AFF3: variants seen among roughly 807,000 people sequenced by gnomAD.
AFF3 encodes the protein ALF transcription elongation factor 3, also known as AF4/FMR2 family member 3.
A neutral mutation model predicts 129.7 loss-of-function variants in AFF3; 32 were observed. The ratio of observed to expected loss-of-function variants is 0.25; its 90% confidence interval spans 0.19 to 0.33. The LOEUF is 0.33. Among genes scored for constraint, AFF3 ranks in the 10% least tolerant of loss-of-function variants. AFF3 has a pLI of 1.00. For synonymous variants in AFF3, 644 were observed against 635.4 expected (o/e 1.01, Z -0.20); for missense variants, 1,373 against 1,592.0 (o/e 0.86, Z 2.34).
chr2:99,604,114 A>G (rs746168037), intron 13 of AFF3, among the ~76,000 whole-genome samples: 1 of 152,154 alleles, frequency 6.6e-6, no homozygotes, highest in Non-Finnish European at 1.5e-5. Flanking sequence ...CAGCAATCCC[A>G]TTACTGGGTA....
chr2:99,739,013 AT>A (rs55856427), intron 10 of AFF3, among the ~76,000 whole-genome samples: 60 of 138,334 alleles, frequency 4.3e-4, no homozygotes, highest in South Asian at 9.4e-4. Context: ...GAACTGTTCA[AT>A]TTTTTTTTTT....
At chr2:99,842,036 A>G (rs763394553) in intron 7 of AFF3, among the ~76,000 whole-genome samples, 2 of 152,130 alleles carry the variant, frequency 1.3e-5, no homozygotes, top group Non-Finnish European at 2.9e-5. Flanking sequence ...AAGGGGGAAG[A>G]GAGGAGAGGG....
intron 11 of AFF3, among the ~76,000 whole-genome samples, chr2:99,699,522 A>G (rs1419614145): frequency 6.6e-6 from 1 of 152,208 alleles, no homozygotes; most frequent in Non-Finnish European, 1.5e-5. Context: ...AACCTGCATT[A>G]ATCATCAAGT....
chr2:99,795,157 A>G (rs1685472820), intron 8 of AFF3, among the ~76,000 whole-genome samples: 1 of 152,172 alleles, frequency 6.6e-6, no homozygotes, highest in African/African-American at 2.4e-5. Flanking sequence ...GGACAGAGAA[A>G]AAGTAGTGTG....
intron 11 of AFF3, among the ~76,000 whole-genome samples, chr2:99,677,584 C>T (rs1292501841): frequency 6.6e-6 from 1 of 152,176 alleles, no homozygotes; most frequent in African/African-American, 2.4e-5. Flanking sequence ...TATGAGCCCC[C>T]AGCTGCACTC....
intron 13 of AFF3, among the ~76,000 whole-genome samples, chr2:99,623,151 CTTTTTTTT>C (rs77383046): frequency 8.1e-6 from 1 of 124,188 alleles, no homozygotes; most frequent in Non-Finnish European, 1.7e-5. Flanking sequence ...ACCTCTGGTT[CTTTTTTTT>C]TTTTTTTTTT....
chr2:99,616,522 G>A (rs1399633221), intron 13 of AFF3, among the ~76,000 whole-genome samples: 1 of 152,130 alleles, frequency 6.6e-6, no homozygotes, highest in Non-Finnish European at 1.5e-5. Context: ...GGGAGGCTGA[G>A]GCAGGTGGAT....
chr2:99,752,378 C>A lies in AFF3; in HGVS notation c.922-77G>T, dbSNP rs545694340. 4.6e-5 allele frequency: 58 copies of A among 1,255,640 alleles called. No individual in the cohort carries two copies. The African/African-American group carries it at 8.4e-4, about 18-fold the overall frequency. The allele number at this position is 1,255,640 out of a possible 1,614,324, so 77.8% of individuals were successfully genotyped here. On this transcript the variant is annotated intron_variant, in intron 8 of 24. Coordinates refer to ENST00000672756, the MANE Select transcript of AFF3 (RefSeq NM_001386135.1). ...ATCAGCGGTATGTAAAGCAGCTGTA[C>A]AAGTGGGCCTTCATAAGGCAGGGAA... is the stretch of plus-strand genomic sequence containing the variant.
chr2:99,855,340 C>A (rs1322812772), intron 7 of AFF3, among the ~76,000 whole-genome samples: 1 of 151,782 alleles, frequency 6.6e-6, no homozygotes, highest in Non-Finnish European at 1.5e-5. Context: ...AAAGCTGTTA[C>A]AAAAAAATTA....
intron 8 of AFF3, among the ~76,000 whole-genome samples, chr2:99,807,220 A>T (rs978839775): frequency 6.6e-6 from 1 of 152,208 alleles, no homozygotes; most frequent in East Asian, 1.9e-4. Context: ...AAATGAGGAA[A>T]CAGGGTCCTG....
chr2:99,653,614 T>C (rs1000449469), intron 12 of AFF3, among the ~76,000 whole-genome samples: 1 of 152,228 alleles, frequency 6.6e-6, no homozygotes, highest in Admixed American at 6.5e-5. Context: ...GCGGCACCTG[T>C]TGGCAATGCC....
chr2:99,601,671 A>G, intron 13 of AFF3, 50 bp from the exon 14 acceptor site: 1 of 1,559,888 alleles, frequency 6.4e-7, no homozygotes, highest in Non-Finnish European at 8.6e-7. Context: ...AAGCCAAGTG[A>G]GCAAACAGGA....
intron 13 of AFF3, among the ~76,000 whole-genome samples, chr2:99,603,031 T>C (rs927782869): frequency 6.6e-6 from 1 of 152,200 alleles, no homozygotes; most frequent in African/African-American, 2.4e-5. Flanking sequence ...TCCACCAATG[T>C]CACGGTCCAC....
intron 11 of AFF3, among the ~76,000 whole-genome samples, chr2:99,683,488 C>T (rs527707056): frequency 1.1e-3 from 164 of 152,070 alleles, no homozygotes; most frequent in African/African-American, 3.8e-3. Context: ...CACTTTGTTG[C>T]CCACGCTGGA....
At chr2:99,635,656 A>G (rs1683583130) in intron 13 of AFF3, among the ~76,000 whole-genome samples, 1 of 152,154 alleles carries the variant, frequency 6.6e-6, no homozygotes, top group Non-Finnish European at 1.5e-5. Flanking sequence ...TCTCTCAGGC[A>G]TCTAGCTCCA....
chr2:100,074,426 G>C (rs559738949), intron 4 of AFF3, among the ~76,000 whole-genome samples: 13 of 152,256 alleles, frequency 8.5e-5, no homozygotes, highest in South Asian at 8.3e-4. Flanking sequence ...GCAGTCTCTA[G>C]GACAGCAGCT....
At chr2:99,885,466 C>T (rs147931886) in intron 7 of AFF3, among the ~76,000 whole-genome samples, 63 of 152,264 alleles carry the variant, frequency 4.1e-4, no homozygotes, top group African/African-American at 1.5e-3. Flanking sequence ...CACACCTTAC[C>T]CAGAGTAAAG....
intron 7 of AFF3, among the ~76,000 whole-genome samples, chr2:99,946,473 TAAAAAAAAAAAAAAAAAAAAAAA>T (rs55672296): frequency 2.0e-5 from 1 of 50,486 alleles, no homozygotes; most frequent in Non-Finnish European, 3.7e-5. Flanking sequence ...GACGCCATCT[TAAAAAAAAAAAAAAAAAAAAAAA>T]AAAAAAAAAA....
intron 7 of AFF3, among the ~76,000 whole-genome samples, chr2:99,893,465 G>T (rs1161021795): frequency 6.6e-6 from 1 of 152,170 alleles, no homozygotes; most frequent in Non-Finnish European, 1.5e-5. Flanking sequence ...AGGTAATTCG[G>T]GTTGGATCAG....
Sources: gnomAD v4.1 joint callset for allele counts (sites outside exome capture counted in the v4.1 genomes callset) on GRCh38, gnomAD v4.1.1 for gene constraint, MANE v1.5 for transcripts, NCBI Gene and HGNC (gene_info 2026-07-23, HGNC 2026-07-21) for gene names.